MAP3K20: variants seen among roughly 807,000 people sequenced by gnomAD.
The protein encoded by MAP3K20 is HCCS-4.
MAP3K20 carries 40 observed loss-of-function variants against 85.7 expected under a neutral mutation model. That is an observed-to-expected ratio of 0.47 (90% CI 0.36 to 0.61). MAP3K20 has a LOEUF of 0.61. MAP3K20 is among the 20% of genes least tolerant of loss of function. The probability of loss-of-function intolerance (pLI) is 0.00; values close to 1 mark genes in which losing one functional copy is unlikely to be tolerated. For synonymous variants in MAP3K20, 325 were observed against 327.7 expected, an observed-to-expected ratio of 0.99 and a Z score of 0.09; for missense variants, 817 against 961.7, an observed-to-expected ratio of 0.85 and a Z score of 1.99.
intron 17 of MAP3K20, among the ~76,000 whole-genome samples, chr2:173,260,474 G>A (rs2106355935): frequency 6.9e-6 from 1 of 145,520 alleles, no homozygotes; most frequent in East Asian, 2.1e-4. Flanking sequence ...GGGATGGCAG[G>A]AGAGTACAGC....
chr2:173,187,774 A>G, intron 5 of MAP3K20, 151 bp downstream of exon 5: 1 of 558,628 alleles, frequency 1.8e-6, no homozygotes, highest in African/African-American at 1.9e-5. Flanking sequence ...TCAATAAATA[A>G]CAAAAATCTC....
chr2:173,102,201 A>G (rs545059068), intron 2 of MAP3K20, among the ~76,000 whole-genome samples: 10 of 152,326 alleles, frequency 6.6e-5, no homozygotes, highest in African/African-American at 2.2e-4. Context: ...ATCACATCTC[A>G]ACTTTCTCTT....
intron 4 of MAP3K20, among the ~76,000 whole-genome samples, chr2:173,184,847 T>G (rs185336149): frequency 0.013 from 1,939 of 151,906 alleles, 23 homozygotes; most frequent in Middle Eastern, 0.024. Context: ...CCCCAGAGGT[T>G]TGCAGTGAGC....
At chr2:173,159,198 T>C (rs959739366) in intron 2 of MAP3K20, among the ~76,000 whole-genome samples, 2 of 152,226 alleles carry the variant, frequency 1.3e-5, no homozygotes, top group Non-Finnish European at 2.9e-5. Flanking sequence ...TAGTTCCAAT[T>C]TGAAGCCTTG....
intron 5 of MAP3K20, 145 bp from the exon 6 acceptor site, chr2:173,190,750 A>G: frequency 1.3e-6 from 1 of 795,984 alleles, no homozygotes; most frequent in South Asian, 1.9e-5. Context: ...CCCTTTTGCA[A>G]AATCCTCAAT....
chr2:173,195,646 GAAA>G (rs139113672), intron 7 of MAP3K20, among the ~76,000 whole-genome samples: 1 of 148,096 alleles, frequency 6.8e-6, no homozygotes, highest in Non-Finnish European at 1.5e-5. Context: ...GTTTAGTGTG[GAAA>G]AAAAAAGCTG....
upstream of MAP3K20, chr2:173,075,587 T>C (rs911864253): frequency 4.8e-6 from 1 of 207,980 alleles, no homozygotes; most frequent in Non-Finnish European, 8.4e-6. Context: ...GAGTAGCAGG[T>C]GGTGTTAATT....
At chr2:173,148,428 C>T (rs1190540857) in intron 2 of MAP3K20, among the ~76,000 whole-genome samples, 1 of 152,168 alleles carries the variant, frequency 6.6e-6, no homozygotes, top group Non-Finnish European at 1.5e-5. Context: ...CTTTATTTTA[C>T]TATTCGAAAG....
Position 173,217,266 on chromosome 2 carries a change from C to G in MAP3K20, c.987+16C>G, listed in dbSNP as rs1173464182. 1 of 1,527,092 alleles carries G rather than the reference C, an allele frequency of 6.5e-7. No homozygotes were observed. Among genetic ancestry groups the G allele is most frequent in the East Asian group, 2.4e-5 (1 of 42,192 alleles). The allele number at this position is 1,527,092 out of a possible 1,614,324, so 94.6% of individuals were successfully genotyped here. ...CAACACCCCGGTGAGTACCCTCCCC[C>G]TTCGCCGTCTTTCCACATGCGGCTC... On this transcript the variant is annotated intron_variant, in intron 11 of 19. Coordinates refer to ENST00000375213, the MANE Select transcript of MAP3K20 (RefSeq NM_016653.3).
intron 18 of MAP3K20, among the ~76,000 whole-genome samples, chr2:173,262,634 A>T (rs1209164686): frequency 6.6e-6 from 1 of 152,144 alleles, no homozygotes; most frequent in Non-Finnish European, 1.5e-5. Flanking sequence ...AAAGCAATAC[A>T]AACTCTGGCC....
intron 8 of MAP3K20, among the ~76,000 whole-genome samples, chr2:173,202,772 C>T (rs79273618): frequency 0.019 from 2,843 of 152,224 alleles, 37 homozygotes; most frequent in Non-Finnish European, 0.029. Flanking sequence ...GTTGTATTAA[C>T]GACTCCAGTA....
At chr2:173,114,373 C>T (rs938031063) in intron 2 of MAP3K20, among the ~76,000 whole-genome samples, 2 of 152,090 alleles carry the variant, frequency 1.3e-5, no homozygotes, top group African/African-American at 4.8e-5. Flanking sequence ...GCATTTAGGC[C>T]ATTTACATTC....
chr2:173,075,917 C>A lies in MAP3K20; in HGVS notation c.-120C>A. Reference sequence around the variant, plus strand: ...AGCGGAAACGTGGGAGCCGCGCGGGCCGCTGTCGTCCCAACCCCCGCCGCC... The same window carrying A: ...AGCGGAAACGTGGGAGCCGCGCGGGACGCTGTCGTCCCAACCCCCGCCGCC... On this transcript the variant is annotated 5_prime_UTR_variant, in exon 1 of 20. Transcript: ENST00000375213. 1.0e-6 allele frequency: 1 copy of A among 984,350 alleles called. No individual in the cohort carries two copies. Among genetic ancestry groups the A allele is most frequent in the Non-Finnish European group, 1.2e-6 (1 of 829,128 alleles). The allele number at this position is 984,350 out of a possible 1,614,324, so 61.0% of individuals were successfully genotyped here. A position where few individuals can be genotyped will look rare whatever the true frequency, so the allele number is the denominator to read the frequency against.
intron 2 of MAP3K20, among the ~76,000 whole-genome samples, chr2:173,161,996 T>A (rs1030982027): frequency 2.0e-5 from 3 of 152,238 alleles, no homozygotes; most frequent in Non-Finnish European, 4.4e-5. Flanking sequence ...TATGTTCTTA[T>A]ATATATTACA....
intron 2 of MAP3K20, among the ~76,000 whole-genome samples, chr2:173,107,208 G>A (rs1687806448): frequency 6.6e-6 from 1 of 152,178 alleles, no homozygotes; most frequent in Non-Finnish European, 1.5e-5. Context: ...ACTGTCTGGA[G>A]GTGGTAATGA....
intron 2 of MAP3K20, among the ~76,000 whole-genome samples, chr2:173,155,684 T>C (rs542854796): frequency 6.6e-6 from 1 of 152,338 alleles, no homozygotes; most frequent in Admixed American, 6.5e-5. Flanking sequence ...TGGATTTTTT[T>C]CCATACTTAG....
Position 173,091,023 on chromosome 2 carries a change from C to A in MAP3K20, c.-9C>A. On this transcript the variant is annotated 5_prime_UTR_variant, in exon 2 of 20. Transcript: ENST00000375213. ...ATTTTGTGGAAGTATAATACTTTGT[C>A]ATTATGAGATGTCGTCTCTCGGTGC... 1 of 1,604,942 alleles carries A rather than the reference C, an allele frequency of 6.2e-7. No homozygotes were observed. The highest frequency in any genetic ancestry group is 1.1e-5 in the South Asian group (1 of 90,418).
At chr2:173,106,722 G>C (rs1354821370) in intron 2 of MAP3K20, among the ~76,000 whole-genome samples, 1 of 152,144 alleles carries the variant, frequency 6.6e-6, no homozygotes, top group Non-Finnish European at 1.5e-5. Context: ...TTTAGGCTAA[G>C]TAAGGAGGGA....
At chr2:173,239,248 G>C (rs761125487) in intron 15 of MAP3K20, among the ~76,000 whole-genome samples, 156 bp from the exon 16 acceptor site, 1 of 151,382 alleles carries the variant, frequency 6.6e-6, no homozygotes, top group Non-Finnish European at 1.5e-5. Flanking sequence ...ATTTCTGTTG[G>C]TTGATGTAAT....
Sources: allele counts gnomAD v4.1 joint callset (sites outside exome capture counted in the v4.1 genomes callset), GRCh38; gene constraint gnomAD v4.1.1; transcripts MANE v1.5; gene names NCBI Gene and HGNC (gene_info 2026-07-23, HGNC 2026-07-21).